COL12A1: variants seen among roughly 807,000 people sequenced by gnomAD.
COL12A1 encodes the protein collagen type XII alpha 1 chain.
COL12A1 carries 114 observed loss-of-function variants against 349.7 expected under a neutral mutation model. The ratio of observed to expected loss-of-function variants is 0.33; its 90% confidence interval spans 0.28 to 0.38. COL12A1 has a LOEUF of 0.38. Ranked by LOEUF, COL12A1 falls within the 10% of genes least tolerant of loss-of-function variation. The pLI is 1.00. For missense variants in COL12A1, 3,284 were observed against 3,756.9 expected, an observed-to-expected ratio of 0.87 and a Z score of 3.29; for synonymous variants, 1,369 against 1,329.0, an observed-to-expected ratio of 1.03 and a Z score of -0.66.
chr6:75,123,951 T>C lies in COL12A1; in HGVS notation c.6868A>G (p.Thr2290Ala). Residue 2290 changes from threonine (T) to alanine (A), a missense_variant, in exon 42 of 66, where the codon ACC becomes GCC. Physicochemically the swap from Thr to Ala is moderately conservative, Grantham distance 58. This residue lies in a region of COL12A1 where 2,601 missense variants were observed against 2,824.8 expected (regional missense o/e 0.92). Transcript: ENST00000322507. ...EGPGVSVKEHTTVKPTEAPTE... is the reference protein window; with the variant it reads ...EGPGVSVKEHATVKPTEAPTE... ...TCCAGATTCCTCAAAAACTTACTGG[T>C]ATGTTCTTTAACAGAGACTCCTGGT... is the stretch of plus-strand genomic sequence containing the variant. 1.9e-6 allele frequency: 3 copies of C among 1,606,280 alleles called. No individual in the cohort carries two copies. The highest frequency in any genetic ancestry group is 2.6e-6 in the Non-Finnish European group (3 of 1,174,496).
At chr6:75,190,431 C>A (rs1345740045) in intron 5 of COL12A1, among the ~76,000 whole-genome samples, 2 of 151,656 alleles carry the variant, frequency 1.3e-5, no homozygotes, top group African/African-American at 2.4e-5. Flanking sequence ...TGCAAAATAG[C>A]CAAAATATAT....
chr6:75,110,545 G>GA (rs932712641), intron 51 of COL12A1, among the ~76,000 whole-genome samples: 1 of 151,764 alleles, frequency 6.6e-6, no homozygotes, highest in Non-Finnish European at 1.5e-5. Context: ...CAGACCAGTA[G>GA]AAAAAAATAG....
chr6:75,160,905 A>C (rs2149431518), intron 14 of COL12A1, among the ~76,000 whole-genome samples: 1 of 152,312 alleles, frequency 6.6e-6, no homozygotes, highest in South Asian at 2.1e-4. Context: ...TAAAAACCAA[A>C]ACACTTCTCA....
intron 13 of COL12A1, among the ~76,000 whole-genome samples, chr6:75,166,295 T>C (rs980058266): frequency 2.6e-5 from 4 of 152,174 alleles, no homozygotes; most frequent in African/African-American, 9.6e-5. Context: ...CCAACAACAG[T>C]TTATTGGTGA....
chr6:75,176,125 G>A (rs1299879703), intron 12 of COL12A1, among the ~76,000 whole-genome samples: 3 of 152,216 alleles, frequency 2.0e-5, no homozygotes, highest in Non-Finnish European at 4.4e-5. Context: ...AAGAGAGGAG[G>A]AAGGAAGCAG....
At chr6:75,156,661 C>G (rs1454043414) in intron 14 of COL12A1, 138 bp from the exon 15 acceptor site, 1 of 851,180 alleles carries the variant, frequency 1.2e-6, no homozygotes. Context: ...TGTAATCTCT[C>G]ATAAATTCAT....
rs548889128 is a variant in COL12A1, at chr6:75,137,450, C to T, written c.5381G>A (p.Gly1794Asp). The change falls in exon 31 of 66, where the codon GGC becomes GAC. Residue 1794 changes from glycine (G) to aspartate (D), a missense_variant. Gly to Asp is a moderately conservative substitution (Grantham distance 94). Coordinates refer to ENST00000322507, the MANE Select transcript of COL12A1 (RefSeq NM_004370.6). The stretch of plus-strand genomic sequence containing the variant: ...TTAAAAAATTACCGTTTGCTCATTG[C>T]CTTCCCCTGTGGAAGGCTGATAAGT... Reference protein sequence around the residue: ...RITYQPSTGEGNEQTTTIGGR... With the variant: ...RITYQPSTGEDNEQTTTIGGR... 1.4e-5 allele frequency: 23 copies of T among 1,603,612 alleles called. No individual in the cohort carries two copies. The Admixed American group carries it at 1.6e-4, about 11-fold the overall frequency.
chr6:75,109,243 A>T, intron 51 of COL12A1, 76 bp from the exon 52 acceptor site: 1 of 1,067,090 alleles, frequency 9.4e-7, no homozygotes. Flanking sequence ...TTTAGATCAG[A>T]TTTTTTTGAA....
In COL12A1 at chr6:75,102,615, G is replaced by C. The variant is rs1447179083; in HGVS notation, c.8397C>G (p.Leu2799=). Reference sequence around the variant, plus strand: ...TGCTTACTTGCTCTCCCGGAATAGAGAGTCCATTGGGTCCCTGAGGGCCTG... The same window carrying C: ...TGCTTACTTGCTCTCCCGGAATAGACAGTCCATTGGGTCCCTGAGGGCCTG... ...GPPGPQGPNG[L]SIPGEQGRQG... The change falls in exon 56 of 66, where the codon CTC becomes CTG. Residue 2799 remains leucine, a synonymous_variant. Transcript: ENST00000322507. The C allele has an allele frequency of 6.4e-7, 1 of 1,559,084 alleles. No homozygotes were observed. The highest frequency in any genetic ancestry group is 1.4e-5 in the African/African-American group (1 of 71,808).
chr6:75,124,491 G>A, intron 40 of COL12A1, 120 bp from the exon 41 acceptor site: 1 of 660,912 alleles, frequency 1.5e-6, no homozygotes, highest in South Asian at 2.4e-5. Flanking sequence ...ATTGTATTAT[G>A]TTTCCTTATA....
Position 75,184,032 on chromosome 6 carries a change from T to G in COL12A1, c.1110A>C (p.Pro370=), listed in dbSNP as rs575544133. The G allele has an allele frequency of 6.2e-7, 1 of 1,614,146 alleles. No individual in the cohort carries two copies. Among genetic ancestry groups the G allele is most frequent in the South Asian group, 1.1e-5 (1 of 91,080 alleles). ...PVTGYKVILT[P]MTAGSRQHAL... ...CGTGCTGTCGGCTTCCTGCAGTCAT[T>G]GGTGTGAGGATGACTTTGTAGCCAG... is the stretch of plus-strand genomic sequence containing the variant. The change falls in exon 9 of 66, where the codon CCA becomes CCC. Residue 370 remains proline (P), a synonymous_variant. Coordinates refer to ENST00000322507, the MANE Select transcript of COL12A1 (RefSeq NM_004370.6).
chr6:75,142,007 T>C (rs1766913514), intron 27 of COL12A1, 25 bp downstream of exon 27: 2 of 1,613,432 alleles, frequency 1.2e-6, no homozygotes, highest in Non-Finnish European at 1.7e-6. Flanking sequence ...TTTCCCATTA[T>C]CAGTGGAGCA....
At chr6:75,147,862 A>C in intron 22 of COL12A1, 58 bp from the exon 23 acceptor site, 1 of 1,567,534 alleles carries the variant, frequency 6.4e-7, no homozygotes, top group Non-Finnish European at 8.6e-7. Flanking sequence ...CCTTTTTCCT[A>C]CTATACTTAC....
At chr6:75,165,271 A>G (rs1015576506) in intron 14 of COL12A1, among the ~76,000 whole-genome samples, 13 of 147,292 alleles carry the variant, frequency 8.8e-5, no homozygotes, top group African/African-American at 3.2e-4. Flanking sequence ...ATTGCACCAG[A>G]AAAAAAAAAA....
chr6:75,101,467 A>G, intron 58 of COL12A1, 133 bp downstream of exon 58: 2 of 778,752 alleles, frequency 2.6e-6, no homozygotes, highest in East Asian at 2.7e-5. Flanking sequence ...CACTGACATT[A>G]GCTTTGCAGC....
rs759182254 is a variant in COL12A1 at position 75,177,722 on chromosome 6, A to T, written c.2378T>A (p.Ile793Asn). The T allele has an allele frequency of 1.4e-5, 23 of 1,613,984 alleles. No individual in the cohort carries two copies. The highest frequency in any genetic ancestry group is 1.9e-5 in the Non-Finnish European group (22 of 1,180,004). ...ACCAGGTCCTGAGAAATATTCAGGA[A>T]TTACAGATACTTCATATTTCGTGTC... ...IPDTKYEVSVIPEYFSGPGTP... is the reference protein window; with the variant it reads ...IPDTKYEVSVNPEYFSGPGTP... Residue 793 changes from isoleucine (I) to asparagine (N), a missense_variant, in exon 12 of 66, where the codon ATT becomes AAT. Coordinates refer to ENST00000322507, the MANE Select transcript of COL12A1 (RefSeq NM_004370.6).
At chr6:75,155,903 T>C in intron 15 of COL12A1, 49 bp from the exon 16 acceptor site, 11 of 1,528,408 alleles carry the variant, frequency 7.2e-6, no homozygotes, top group Non-Finnish European at 8.7e-6. Context: ...GACTAGGCTT[T>C]GGGGTTTCTT....
In COL12A1 at chr6:75,097,313, T is replaced by TA. The variant is rs1261200705; in HGVS notation, c.8524-8dup. 1 of 1,611,568 alleles carries TA rather than the reference T, an allele frequency of 6.2e-7. No homozygotes were observed. The highest frequency in any genetic ancestry group is 1.7e-5 in the Admixed American group (1 of 59,876). On this transcript the variant is annotated splice_region_variant and splice_polypyrimidine_tract_variant and intron_variant, in intron 58 of 65. Transcript: ENST00000322507. ...CGTCTTTTCCAGTGAAGCCCTATTG[T>TA]AAAAATGAAAGTAATTACAGTTAGG...
chr6:75,108,750 T>C (rs1468916136), intron 52 of COL12A1, among the ~76,000 whole-genome samples: 4 of 152,234 alleles, frequency 2.6e-5, no homozygotes, highest in Non-Finnish European at 4.4e-5. Context: ...TGTTCTCCAA[T>C]TTGATCCTGT....
Sources: gnomAD v4.1 joint callset for allele counts (sites outside exome capture counted in the v4.1 genomes callset) on GRCh38, gnomAD v4.1.1 for gene constraint, gnomAD v4.1.1 regional missense constraint, MANE v1.5 for transcripts, NCBI Gene and HGNC (gene_info 2026-07-23, HGNC 2026-07-21) for gene names.